The following NPC1L1 variants were observed in gnomAD, a reference collection of about 807,000 sequenced individuals.
NPC1L1 encodes the protein NPC1 like intracellular cholesterol transporter 1.
Under a neutral mutation model 117.0 loss-of-function variants are expected in NPC1L1, and 98 were observed. That is an observed-to-expected ratio of 0.84 (90% CI 0.71 to 0.99). The LOEUF (loss-of-function observed/expected upper bound fraction) is 0.99. NPC1L1 is among the 50% of genes least tolerant of loss of function. The pLI is 0.00. For missense variants in NPC1L1, 1,540 were observed against 1,710.0 expected (o/e 0.90, Z 1.75); for synonymous variants, 729 against 727.6 (o/e 1.00, Z -0.03).
intron 16 of NPC1L1, 124 bp downstream of exon 16, chr7:44,516,579 C>T (rs1801192088): frequency 1.2e-6 from 1 of 841,978 alleles, no homozygotes; most frequent in Admixed American, 2.0e-5. Context: ...GCCCTCAAGC[C>T]TGAGCAACAG....
At chr7:44,524,588 C>T (rs1801452488) in intron 10 of NPC1L1, among the ~76,000 whole-genome samples, 1 of 152,022 alleles carries the variant, frequency 6.6e-6, no homozygotes, top group Non-Finnish European at 1.5e-5. Context: ...AACCCTGTCT[C>T]TACTAAAAAT....
At chr7:44,516,234 G>A (rs373042672) in intron 16 of NPC1L1, 37 bp from the exon 17 acceptor site, 63 of 1,551,302 alleles carry the variant, frequency 4.1e-5, no homozygotes, top group Non-Finnish European at 5.4e-5. Context: ...AAGAAAGGCA[G>A]AGGTGGGGAA....
At chr7:44,531,106 T>TTGGCCACCAGCCCA (rs1801685916) in intron 10 of NPC1L1, among the ~76,000 whole-genome samples, 1 of 152,236 alleles carries the variant, frequency 6.6e-6, no homozygotes, top group South Asian at 2.1e-4. Flanking sequence ...CTGCTTCCTC[T>TTGGCCACCAGCCCA]TGGCCACCAG....
At position 44,541,277 on chromosome 7, in the gene NPC1L1, G is replaced by A. The variant is rs41279633; in HGVS notation, c.-18C>T. The A allele has an allele frequency of 6.5e-7, 1 of 1,548,398 alleles. No individual in the cohort carries two copies. Among genetic ancestry groups the A allele is most frequent in the East Asian group, 2.4e-5 (1 of 40,918 alleles). ...TCCGCCATCCCAGGTCTGGGAAGGG[G>A]TCAGCGGGGAGCCAGGCCAGGCCTC... On this transcript the variant is annotated 5_prime_UTR_variant, in exon 1 of 19. Coordinates refer to ENST00000381160, the MANE Select transcript of NPC1L1 (RefSeq NM_001101648.2).
At chr7:44,537,937 T>G (rs1801950738) in intron 2 of NPC1L1, among the ~76,000 whole-genome samples, 1 of 152,120 alleles carries the variant, frequency 6.6e-6, no homozygotes, top group Non-Finnish European at 1.5e-5. Flanking sequence ...AGCTGAGGGA[T>G]GCAGAGCCAG....
At chr7:44,537,459 A>T (rs1185374981) in intron 2 of NPC1L1, among the ~76,000 whole-genome samples, 1 of 152,132 alleles carries the variant, frequency 6.6e-6, no homozygotes, top group East Asian at 1.9e-4. Flanking sequence ...TTGAGGTTAG[A>T]TTTGGAACCC....
chr7:44,525,471 T>C (rs767537804), intron 10 of NPC1L1, among the ~76,000 whole-genome samples: 39 of 152,348 alleles, frequency 2.6e-4, no homozygotes, highest in Non-Finnish European at 4.8e-4. Flanking sequence ...TTGGCCAGGA[T>C]GGTCTTGATC....
In NPC1L1 at chr7:44,521,778, G is replaced by T; in HGVS notation, c.2887C>A (p.Pro963Thr). Residue 963 changes from proline (P) to threonine (T), a missense_variant, in exon 12 of 19, where the codon CCG becomes ACG. Physicochemically the swap from Pro to Thr is conservative, Grantham distance 38. Coordinates refer to ENST00000381160, the MANE Select transcript of NPC1L1 (RefSeq NM_001101648.2). ...WVDDFIDWLT[P>T]SSCCRLYISG... ...ATATAAAGGCGGCAGCAGGAGGACG[G>T]GGTCAGCCAGTCAATGAAGTCATCC... is the stretch of plus-strand genomic sequence containing the variant. 1 of 1,614,188 alleles carries T rather than the reference G, an allele frequency of 6.2e-7. No homozygotes were observed. Among genetic ancestry groups the T allele is most frequent in the Non-Finnish European group, 8.5e-7 (1 of 1,180,040 alleles).
intron 8 of NPC1L1, 108 bp from the exon 9 acceptor site, chr7:44,532,325 G>C (rs1165431636): frequency 5.3e-6 from 7 of 1,326,918 alleles, no homozygotes; most frequent in Non-Finnish European, 7.5e-6. Flanking sequence ...CCGTGCCAGT[G>C]CCCTCATGGA....
At chr7:44,529,347 TA>T (rs1203932728) in intron 10 of NPC1L1, among the ~76,000 whole-genome samples, 2 of 150,828 alleles carry the variant, frequency 1.3e-5, no homozygotes, top group African/African-American at 4.9e-5. Flanking sequence ...CAAAAGAGAA[TA>T]GGGGTAGCTA....
rs551288933 is a variant in NPC1L1, at chr7:44,518,748, G to T, written c.3137-1391C>A. On this transcript the variant is annotated intron_variant, in intron 14 of 18. Coordinates refer to ENST00000381160, the MANE Select transcript of NPC1L1 (RefSeq NM_001101648.2). ...AAAAAGAAACAATAGTGCTACATAGGTGTGGAGAAAAAAGAAGAGAAATGT... is the reference window on the plus strand; with the variant it reads ...AAAAAGAAACAATAGTGCTACATAGTTGTGGAGAAAAAAGAAGAGAAATGT... The T allele has an allele frequency of 9.3e-5, 104 of 1,115,414 alleles. No individual in the cohort carries two copies. In the African/African-American group the frequency reaches 1.6e-3, roughly 18 times the overall value. 69.1% of individuals were successfully genotyped at this position (1,115,414 alleles called of 1,614,324 possible). A position where few individuals can be genotyped will look rare whatever the true frequency, so the allele number is the denominator to read the frequency against.
rs1006176622 is a variant in NPC1L1 at position 44,513,357 on chromosome 7, G to C, written c.*90C>G. 3.2e-6 allele frequency: 4 copies of C among 1,262,064 alleles called. No individual in the cohort carries two copies. The highest frequency in any genetic ancestry group is 3.5e-6 in the Non-Finnish European group (3 of 864,304). 78.2% of individuals were successfully genotyped at this position (1,262,064 alleles called of 1,614,324 possible). A position where few individuals can be genotyped will look rare whatever the true frequency, so the allele number is the denominator to read the frequency against. ...GGGAATGGCCTCCCCTAGGATTTGA[G>C]GAGGGCGTGTGTCAAGGGGCAGTCA... On this transcript the variant is annotated 3_prime_UTR_variant, in exon 19 of 19. Coordinates refer to ENST00000381160, the MANE Select transcript of NPC1L1 (RefSeq NM_001101648.2).
At chr7:44,518,599 G>T (rs764362328) in intron 14 of NPC1L1, 4 of 536,420 alleles carry the variant, frequency 7.5e-6, no homozygotes, top group South Asian at 5.2e-5. Flanking sequence ...AATCCAGGAG[G>T]TAGAGGTTGC....
chr7:44,541,003 A>G (rs941498719), intron 1 of NPC1L1, among the ~76,000 whole-genome samples: 1 of 152,076 alleles, frequency 6.6e-6, no homozygotes, highest in African/African-American at 2.4e-5. Context: ...CCCTGTGTGC[A>G]TTCAAGCCTG....
rs529828985 is a variant in NPC1L1, at chr7:44,533,404, C to G, written c.2409+27G>C. 317 of 1,613,152 alleles carry G rather than the reference C, an allele frequency of 2.0e-4. 6 individuals carry two copies. The South Asian group carries it at 3.3e-3, about 17-fold the overall frequency. On this transcript the variant is annotated intron_variant, in intron 8 of 18. Coordinates refer to ENST00000381160, the MANE Select transcript of NPC1L1 (RefSeq NM_001101648.2). ...CATGGTGGGAACCCAGGGGCAGGTC[C>G]CTCAGTACTGGCCCAGCTGCCCCTA...
rs953238955 is a variant in NPC1L1 at position 44,520,823 on chromosome 7, G to A, written c.3081-3C>T. 6.2e-7 allele frequency: 1 copy of A among 1,613,954 alleles called. No individual in the cohort carries two copies. Among genetic ancestry groups the A allele is most frequent in the Admixed American group, 1.7e-5 (1 of 59,998 alleles). On this transcript the variant is annotated splice_region_variant and splice_polypyrimidine_tract_variant and intron_variant, in intron 13 of 18. Transcript: ENST00000381160. Reference sequence around the variant, plus strand: ...AGGTGCTGTATGCTGCCAGGCCGCTGCAAGAAGGTCAGGGCAAAGGCTTAG... The same window carrying A: ...AGGTGCTGTATGCTGCCAGGCCGCTACAAGAAGGTCAGGGCAAAGGCTTAG...
intron 10 of NPC1L1, among the ~76,000 whole-genome samples, chr7:44,528,398 G>A (rs1801590468): frequency 6.6e-6 from 1 of 152,184 alleles, no homozygotes. Context: ...AGCCACCATG[G>A]CTAGCTCAAG....
In NPC1L1 at chr7:44,520,955, G is replaced by A. The variant is rs200197490; in HGVS notation, c.3080+37C>T. 1.9e-6 allele frequency: 3 copies of A among 1,614,122 alleles called. No individual in the cohort carries two copies. The African/African-American group carries it at 4.0e-5, about 22-fold the overall frequency. On this transcript the variant is annotated intron_variant, in intron 13 of 18. Transcript: ENST00000381160. ...TTCAACCCCATCCTGTGTCCCACAT[G>A]TCTGTCCTCCCCAGCAGAAGGCCCT...
chr7:44,517,095 G>T (rs747036704), intron 15 of NPC1L1, 112 bp downstream of exon 15: 2 of 1,502,880 alleles, frequency 1.3e-6, no homozygotes, highest in Non-Finnish European at 9.2e-7. Context: ...AGAGCCTCCT[G>T]ACCTAAAACT....
Sources: allele counts gnomAD v4.1 joint callset (sites outside exome capture counted in the v4.1 genomes callset), GRCh38; gene constraint gnomAD v4.1.1; transcripts MANE v1.5; gene names NCBI Gene and HGNC (gene_info 2026-07-23, HGNC 2026-07-21).